The following CCDC3 variants were observed in gnomAD, a reference collection of about 807,000 sequenced individuals.
The protein encoded by CCDC3 is coiled-coil domain-containing protein 3.
CCDC3 carries 24 observed loss-of-function variants against 21.4 expected under a neutral mutation model. That is an observed-to-expected ratio of 1.12 (90% CI 0.81 to 1.58). The LOEUF is 1.58. CCDC3 is among the 40% of genes most tolerant of loss of function. The pLI is 0.00. For synonymous variants in CCDC3, 186 were observed against 166.0 expected, an observed-to-expected ratio of 1.12 and a Z score of -0.93; for missense variants, 425 against 360.9, an observed-to-expected ratio of 1.18 and a Z score of -1.44.
intron 5 of CCDC3, among the ~76,000 whole-genome samples, chr10:13,006,906 A>G (rs1835930568): frequency 6.6e-6 from 1 of 152,180 alleles, no homozygotes. Context: ...CTACACCCAC[A>G]GGTTGCCCAC....
At chr10:12,915,813 T>C (rs4750282) in intron 2 of CCDC3, among the ~76,000 whole-genome samples, 18,388 of 152,184 alleles carry the variant, frequency 0.12, 1,201 homozygotes, top group Middle Eastern at 0.15. Flanking sequence ...TGGTGGACCT[T>C]GACCCTGGAT....
chr10:13,069,713 A>T (rs941469080), intron 4 of CCDC3, among the ~76,000 whole-genome samples: 1 of 152,216 alleles, frequency 6.6e-6, no homozygotes, highest in Non-Finnish European at 1.5e-5. Flanking sequence ...TAGATTTTAG[A>T]GAATTATATT....
intron 2 of CCDC3, among the ~76,000 whole-genome samples, chr10:12,960,661 G>A (rs1320807763): frequency 6.6e-6 from 1 of 152,166 alleles, no homozygotes; most frequent in Non-Finnish European, 1.5e-5. Flanking sequence ...GGGTGCAGTC[G>A]GGAGAGGCGA....
intron 2 of CCDC3, among the ~76,000 whole-genome samples, chr10:12,933,936 T>C (rs937817184): frequency 3.5e-5 from 5 of 144,100 alleles, no homozygotes; most frequent in Admixed American, 7.3e-5. Context: ...TTCACTTTCA[T>C]TGATTTCTTC....
intron 2 of CCDC3, among the ~76,000 whole-genome samples, chr10:12,920,329 G>C (rs1757062): frequency 0.98 from 148,980 of 152,240 alleles, 72,979 homozygotes; most frequent in East Asian, 1. Flanking sequence ...TATCTCCCAC[G>C]GGGTCCTTCC....
At chr10:13,067,059 C>A (rs1340799390) in intron 4 of CCDC3, among the ~76,000 whole-genome samples, 1 of 152,176 alleles carries the variant, frequency 6.6e-6, no homozygotes, top group Non-Finnish European at 1.5e-5. Flanking sequence ...ACCAAAAAAT[C>A]TTTTTCCCCT....
upstream of CCDC3, among the ~76,000 whole-genome samples, chr10:13,005,001 T>C (rs932446520): frequency 7.9e-5 from 12 of 152,200 alleles, no homozygotes; most frequent in African/African-American, 2.7e-4. Context: ...GATGTCCTTG[T>C]CATCAATCTT....
intron 4 of CCDC3, among the ~76,000 whole-genome samples, chr10:13,061,057 A>G (rs981955273): frequency 3.3e-5 from 5 of 152,214 alleles, no homozygotes; most frequent in Admixed American, 2.6e-4. Context: ...CCACACTTGG[A>G]TTCAGTTTCT....
intron 2 of CCDC3, among the ~76,000 whole-genome samples, chr10:12,980,446 G>A (rs977414083): frequency 6.6e-6 from 1 of 152,192 alleles, no homozygotes; most frequent in Admixed American, 6.5e-5. Context: ...CCACGGGTCT[G>A]TAAAACCTCC....
intron 5 of CCDC3, among the ~76,000 whole-genome samples, chr10:13,036,674 G>T (rs1159105869): frequency 6.6e-6 from 1 of 151,908 alleles, no homozygotes; most frequent in African/African-American, 2.4e-5. Flanking sequence ...TAGTAGAGAT[G>T]GGGTTTCACC....
intron 5 of CCDC3, among the ~76,000 whole-genome samples, chr10:13,033,521 C>T (rs1402322695): frequency 6.6e-6 from 1 of 152,124 alleles, no homozygotes; most frequent in African/African-American, 2.4e-5. Flanking sequence ...AGCTTCTGCA[C>T]AGCAAAAGAA....
chr10:13,086,002 C>T (rs1306897715), intron 3 of CCDC3, among the ~76,000 whole-genome samples: 1 of 150,656 alleles, frequency 6.6e-6, no homozygotes, highest in African/African-American at 2.4e-5. Context: ...ATTCAAGAGA[C>T]CAAGTATATA....
intron 3 of CCDC3, among the ~76,000 whole-genome samples, chr10:13,083,074 G>A (rs1443081603): frequency 6.6e-6 from 1 of 152,064 alleles, no homozygotes; most frequent in Non-Finnish European, 1.5e-5. Context: ...AACGACAAGG[G>A]GAAAATTTGG....
chr10:13,039,764 T>C (rs1280958181), intron 5 of CCDC3, among the ~76,000 whole-genome samples: 1 of 152,016 alleles, frequency 6.6e-6, no homozygotes, highest in Non-Finnish European at 1.5e-5. Flanking sequence ...GTGCACAGCA[T>C]CGTCAGCTGA....
At chr10:12,988,119 T>G (rs938438491) in intron 2 of CCDC3, among the ~76,000 whole-genome samples, 6 of 152,216 alleles carry the variant, frequency 3.9e-5, no homozygotes, top group East Asian at 1.9e-4. Context: ...ATCCAGCCCA[T>G]GCTCACCTCT....
chr10:12,934,613 T>C (rs1175033642), intron 2 of CCDC3, among the ~76,000 whole-genome samples: 1 of 152,228 alleles, frequency 6.6e-6, no homozygotes, highest in Non-Finnish European at 1.5e-5. Context: ...TTTTGCCTCA[T>C]ATTTTGATGA....
intron 3 of CCDC3, among the ~76,000 whole-genome samples, chr10:13,087,960 C>T (rs778965977): frequency 7.2e-5 from 11 of 152,168 alleles, no homozygotes; most frequent in Admixed American, 1.3e-4. Context: ...ATAAAATGAT[C>T]AGATCCAGGA....
chr10:12,906,187 A>C (rs1475379491), intron 2 of CCDC3, among the ~76,000 whole-genome samples: 1 of 152,152 alleles, frequency 6.6e-6, no homozygotes, highest in African/African-American at 2.4e-5. Flanking sequence ...AAAACTCCCA[A>C]AGCTGGGAAG....
chr10:12,964,945 T>C (rs562821322), intron 2 of CCDC3, among the ~76,000 whole-genome samples: 2 of 152,332 alleles, frequency 1.3e-5, no homozygotes, highest in East Asian at 3.9e-4. Context: ...ATGCAGACAG[T>C]GGCTTTCTCT....
Sources: allele counts gnomAD v4.1 joint callset (sites outside exome capture counted in the v4.1 genomes callset), GRCh38; gene constraint gnomAD v4.1.1; transcripts MANE v1.5; gene names NCBI Gene and HGNC (gene_info 2026-07-23, HGNC 2026-07-21).